NIPBL: variants seen among roughly 807,000 people sequenced by gnomAD.
NIPBL encodes the protein NIPBL cohesin loading factor.
In NIPBL, 19 loss-of-function variants were observed where a neutral mutation model predicts 321.8. That is an observed-to-expected ratio of 0.06 (90% CI 0.04 to 0.09). The LOEUF (loss-of-function observed/expected upper bound fraction) is 0.09. Ranked by LOEUF, NIPBL falls within the 10% of genes least tolerant of loss-of-function variation. The probability of loss-of-function intolerance (pLI) is 1.00; values close to 1 mark genes in which losing one functional copy is unlikely to be tolerated. For synonymous variants in NIPBL, 1,106 were observed against 1,114.1 expected, an observed-to-expected ratio of 0.99 and a Z score of 0.14; for missense variants, 2,210 against 3,327.0, an observed-to-expected ratio of 0.66 and a Z score of 8.26.
intron 6 of NIPBL, among the ~76,000 whole-genome samples, chr5:36,964,415 A>G (rs1038949860): frequency 1.3e-5 from 2 of 152,182 alleles, no homozygotes; most frequent in Non-Finnish European, 2.9e-5. Flanking sequence ...CCAATCCCAG[A>G]ATAGAGAATC....
chr5:37,055,687 ACAGT>A (rs1340400640), intron 42 of NIPBL, among the ~76,000 whole-genome samples: 1 of 152,062 alleles, frequency 6.6e-6, no homozygotes, highest in African/African-American at 2.4e-5. Context: ...GTGGACAAAA[ACAGT>A]CAAGCAGTGA....
chr5:36,982,595 A>G (rs896362749), intron 9 of NIPBL, among the ~76,000 whole-genome samples: 14 of 151,894 alleles, frequency 9.2e-5, no homozygotes, highest in African/African-American at 3.4e-4. Context: ...ATACTTTCAT[A>G]CATTTTTTAT....
At chr5:36,933,916 T>TA (rs1395181560) in intron 1 of NIPBL, among the ~76,000 whole-genome samples, 5 of 142,098 alleles carry the variant, frequency 3.5e-5, no homozygotes, top group African/African-American at 8.6e-5. Context: ...TTAATAAGAG[T>TA]ATGGGGGGGT....
At chr5:37,031,314 A>G (rs16903459) in intron 32 of NIPBL, among the ~76,000 whole-genome samples, 20,899 of 152,082 alleles carry the variant, frequency 0.14, 1,797 homozygotes, top group East Asian at 0.31. Context: ...GTATGGTGCT[A>G]TCATTCCTTT....
At chr5:36,915,761 A>G (rs1561381345) in intron 1 of NIPBL, among the ~76,000 whole-genome samples, 1 of 152,140 alleles carries the variant, frequency 6.6e-6, no homozygotes, top group Non-Finnish European at 1.5e-5. Context: ...AAAATGATAA[A>G]TTTTATCATA....
chr5:37,025,371 TTAAA>T (rs1187693811), intron 30 of NIPBL, among the ~76,000 whole-genome samples: 17 of 152,338 alleles, frequency 1.1e-4, no homozygotes, highest in Admixed American at 3.9e-4. Flanking sequence ...TTCTAAATTA[TTAAA>T]TAAATACTTT....
chr5:36,942,207 C>T (rs940148132), intron 1 of NIPBL, among the ~76,000 whole-genome samples: 11 of 151,528 alleles, frequency 7.3e-5, no homozygotes, highest in African/African-American at 1.7e-4. Flanking sequence ...CGGAGTGGGG[C>T]GGATCACCTC....
intron 1 of NIPBL, chr5:36,886,007 A>G: frequency 1.4e-6 from 1 of 721,704 alleles, no homozygotes; most frequent in Non-Finnish European, 2.6e-6. Flanking sequence ...GGAGCTAGAC[A>G]AGTACTGGTC....
At chr5:36,980,170 A>G (rs1428069996) in intron 9 of NIPBL, among the ~76,000 whole-genome samples, 1 of 151,808 alleles carries the variant, frequency 6.6e-6, no homozygotes, top group Non-Finnish European at 1.5e-5. Flanking sequence ...AACAAAGTCA[A>G]CAGATACAAC....
intron 10 of NIPBL, among the ~76,000 whole-genome samples, chr5:36,988,042 T>C (rs957646507): frequency 6.6e-6 from 1 of 152,124 alleles, no homozygotes; most frequent in Non-Finnish European, 1.5e-5. Context: ...GGACCATCTT[T>C]CTCTCCCTCC....
At chr5:36,960,414 G>A (rs1180378084) in intron 4 of NIPBL, among the ~76,000 whole-genome samples, 3 of 150,612 alleles carry the variant, frequency 2.0e-5, no homozygotes, top group Admixed American at 2.0e-4. Flanking sequence ...TAGTAATTAA[G>A]CTATTAAAGC....
chr5:37,017,266 AT>A, intron 24 of NIPBL, 104 bp downstream of exon 24: 1 of 1,163,638 alleles, frequency 8.6e-7, no homozygotes, highest in Non-Finnish European at 1.2e-6. Context: ...TCAAAATAAG[AT>A]TTTTACTTCT....
At chr5:36,926,065 T>C (rs1432178672) in intron 1 of NIPBL, among the ~76,000 whole-genome samples, 1 of 152,210 alleles carries the variant, frequency 6.6e-6, no homozygotes, top group Non-Finnish European at 1.5e-5. Flanking sequence ...CCTTCCTGAA[T>C]ATGAGAATAA....
In NIPBL at chr5:37,021,768, G is replaced by A. The variant is rs554451248; in HGVS notation, c.5329-283G>A. Among the ~76,000 whole-genome samples, 13 of 152,298 alleles carry A rather than the reference G, an allele frequency of 8.5e-5. 1 individual carries two copies. The East Asian group carries it at 9.6e-4, about 11-fold the overall frequency. ...ATATCTTTGATTCAAGTTACACATA[G>A]CAAGGTTTTAATGGGGCTACAGGTT... is the stretch of plus-strand genomic sequence containing the variant. On this transcript the variant is annotated intron_variant, in intron 27 of 46. Transcript: ENST00000282516.
rs140675949 is a variant in NIPBL, at chr5:37,038,007, A to T, written c.5972-595A>T. Among the ~76,000 whole-genome samples, 677 of 102,338 alleles carry T rather than the reference A, an allele frequency of 6.6e-3. 8 individuals carry two copies. The highest frequency in any genetic ancestry group is 0.011 in the East Asian group (39 of 3,500). 67.1% of individuals were successfully genotyped at this position (102,338 alleles called of 152,430 possible). ...TCCTTTTTTTTTTTTTTTTTTTTTT[A>T]AAGACAGGGTCTCACTCTGTCACCC... On this transcript the variant is annotated intron_variant, in intron 33 of 46. Coordinates refer to ENST00000282516, the MANE Select transcript of NIPBL (RefSeq NM_133433.4).
chr5:36,904,324 G>C (rs966080142), intron 1 of NIPBL, among the ~76,000 whole-genome samples: 3 of 152,166 alleles, frequency 2.0e-5, no homozygotes, highest in African/African-American at 7.2e-5. Flanking sequence ...CAAAAAATTA[G>C]CCGGGCATGG....
chr5:36,962,028 C>G, intron 5 of NIPBL, 95 bp from the exon 6 acceptor site: 2 of 1,362,800 alleles, frequency 1.5e-6, no homozygotes, highest in Admixed American at 3.4e-5. Flanking sequence ...CATATATAAA[C>G]TAAGAGATCA....
chr5:36,959,074 G>T (rs1335833024), intron 4 of NIPBL, among the ~76,000 whole-genome samples: 1 of 152,048 alleles, frequency 6.6e-6, no homozygotes, highest in Non-Finnish European at 1.5e-5. Context: ...AGGCATTATG[G>T]TGTGCGCCTG....
At chr5:37,026,202 T>G (rs1750245689) in intron 30 of NIPBL, 27 bp from the exon 31 acceptor site, 1 of 1,336,250 alleles carries the variant, frequency 7.5e-7, no homozygotes, top group African/African-American at 1.4e-5. Flanking sequence ...TTATAATTAG[T>G]TAATTTGAAA....
Sources: gnomAD v4.1 joint callset for allele counts (sites outside exome capture counted in the v4.1 genomes callset) on GRCh38, gnomAD v4.1.1 for gene constraint, MANE v1.5 for transcripts, NCBI Gene and HGNC (gene_info 2026-07-23, HGNC 2026-07-21) for gene names.